Variants in ZDHHC7 observed in about 807,000 individuals in gnomAD.
ZDHHC7 encodes the protein zDHHC palmitoyltransferase 7.
In ZDHHC7, 12 loss-of-function variants were observed where a neutral mutation model predicts 34.1. The ratio of observed to expected loss-of-function variants is 0.35; its 90% CI spans 0.23 to 0.57. ZDHHC7 has a LOEUF of 0.57. ZDHHC7 is among the 20% of genes least tolerant of loss of function. ZDHHC7 has a pLI of 0.84. For missense variants in ZDHHC7, 388 were observed against 402.7 expected (o/e 0.96, Z 0.31); for synonymous variants, 185 against 155.4 (o/e 1.19, Z -1.42).
At position 84,990,366 on chromosome 16, in the gene ZDHHC7, T is replaced by A; in HGVS notation, c.253A>T (p.Ile85Phe). 1 of 1,614,104 alleles carries A rather than the reference T, an allele frequency of 6.2e-7. No homozygotes were observed. Among genetic ancestry groups the A allele is most frequent in the South Asian group, 1.1e-5 (1 of 91,082 alleles). The change falls in exon 3 of 8, where the codon ATC (isoleucine) becomes TTC (phenylalanine). Residue 85 changes from isoleucine to phenylalanine, a missense_variant. Transcript: ENST00000313732. ...GCAAGCACGGCCAAGCAGTTAAAGATGACCCCGTTGACCACAGAGTACCAG... is the reference window on the plus strand; with the variant it reads ...GCAAGCACGGCCAAGCAGTTAAAGAAGACCCCGTTGACCACAGAGTACCAG... ...DFWYSVVNGV[I>F]FNCLAVLALS...
chr16:85,012,762 G>A (rs999043757), upstream of ZDHHC7, among the ~76,000 whole-genome samples: 2 of 151,922 alleles, frequency 1.3e-5, no homozygotes, highest in African/African-American at 4.8e-5. Flanking sequence ...AAAATTAGCC[G>A]GGTGCAGTTT....
Position 84,990,575 on chromosome 16 carries a change from G to C in ZDHHC7, c.44C>G (p.Pro15Arg), listed in dbSNP as rs765930037. The part of the protein sequence containing the change: ...GHRLRDVEHH[P>R]LLAENDNYDS... The stretch of plus-strand genomic sequence containing the variant: ...ATAGTTGTCATTTTCAGCCAGGAGA[G>C]GATGATGCTCGACGTCCCGGAGCCT... The change falls in exon 3 of 8, where the codon CCT (proline) becomes CGT (arginine). Residue 15 changes from proline (P) to arginine (R), a missense_variant. Transcript: ENST00000313732. 7.4e-6 allele frequency: 12 copies of C among 1,614,090 alleles called. No individual in the cohort carries two copies. In the Admixed American group the frequency reaches 1.8e-4, roughly 25 times the overall value.
chr16:85,016,689 A>T, the ZDHHC7 span, among the ~76,000 whole-genome samples: 2 of 151,412 alleles, frequency 1.3e-5, no homozygotes, highest in Non-Finnish European at 2.9e-5. Flanking sequence ...GCTAGTCTTG[A>T]ACTCAAGCGA....
chr16:85,001,965 T>TG (rs753596836), intron 1 of ZDHHC7, among the ~76,000 whole-genome samples: 1 of 152,070 alleles, frequency 6.6e-6, no homozygotes, highest in Non-Finnish European at 1.5e-5. Flanking sequence ...CATCTTGTAT[T>TG]GCCAGAGAAT....
chr16:84,979,226 A>G lies in ZDHHC7; in HGVS notation c.500T>C (p.Val167Ala). The G allele has an allele frequency of 6.2e-7, 1 of 1,606,722 alleles. No individual in the cohort carries two copies. Among genetic ancestry groups the G allele is most frequent in the Non-Finnish European group, 8.5e-7 (1 of 1,178,602 alleles). The change falls in exon 5 of 8, where the codon GTA becomes GCA. Residue 167 changes from valine to alanine, a missense_variant. Val to Ala is a moderately conservative substitution (Grantham distance 64, BLOSUM62 0). Transcript: ENST00000313732. ...AAAAAATCTTTGATTCTTTTCTCCT[A>G]CACAATTGTTCACCCACGGGCAGTG... ...DHHCPWVNNC[V>A]GEKNQRFFVL...
chr16:85,002,615 T>G (rs751266679), intron 1 of ZDHHC7, among the ~76,000 whole-genome samples: 1 of 151,828 alleles, frequency 6.6e-6, no homozygotes, highest in Non-Finnish European at 1.5e-5. Flanking sequence ...TGCCCACTCA[T>G]GTCCTGTGTG....
upstream of ZDHHC7, among the ~76,000 whole-genome samples, chr16:85,015,184 C>T (rs2072829080): frequency 6.6e-6 from 1 of 151,676 alleles, no homozygotes; most frequent in Admixed American, 6.6e-5. Flanking sequence ...AGTGCAACCT[C>T]CGCGTCCCAG....
upstream of ZDHHC7, among the ~76,000 whole-genome samples, chr16:85,011,837 C>CA (rs1443175654): frequency 2.0e-5 from 3 of 152,180 alleles, no homozygotes; most frequent in East Asian, 5.8e-4. Context: ...GGCGGTGTCT[C>CA]AGAGGCAGCT....
intron 1 of ZDHHC7, among the ~76,000 whole-genome samples, chr16:84,998,374 A>G (rs952723584): frequency 1.3e-5 from 2 of 152,030 alleles, no homozygotes; most frequent in Non-Finnish European, 1.5e-5. Context: ...TCCTTGTGGT[A>G]GGTTTCGGCT....
At chr16:85,014,383 C>T (rs1481157471), upstream of ZDHHC7, among the ~76,000 whole-genome samples, 4 of 152,192 alleles carry the variant, frequency 2.6e-5, no homozygotes, top group Non-Finnish European at 5.9e-5. Context: ...CAATCTGATT[C>T]GTCAAGGTGC....
At chr16:84,994,724 A>AT (rs1168298205) in intron 2 of ZDHHC7, among the ~76,000 whole-genome samples, 1 of 152,256 alleles carries the variant, frequency 6.6e-6, no homozygotes, top group Admixed American at 6.5e-5. Context: ...GGACGTTCCT[A>AT]TAAGCACATA....
rs563581926 is a variant in ZDHHC7 at position 84,992,039 on chromosome 16, G to T, written c.-17-1404C>A. ...AAAAATACAAAAACCAGCCGGGCAT[G>T]GTGGCGTGCGCCTGTAATCCCAGCT... is the stretch of plus-strand genomic sequence containing the variant. On this transcript the variant is annotated intron_variant, in intron 2 of 7. Transcript: ENST00000313732. Among the ~76,000 whole-genome samples, 611 of 151,710 alleles carry T rather than the reference G, an allele frequency of 4.0e-3. 1 individual carries two copies. The highest frequency in any genetic ancestry group is 0.014 in the African/African-American group (587 of 41,356).
rs904364392 is a variant in ZDHHC7, at chr16:85,011,453, C to G, written c.-271G>C. The G allele has an allele frequency of 1.3e-5, 2 of 152,162 alleles. No individual in the cohort carries two copies. Among genetic ancestry groups the G allele is most frequent in the African/African-American group, 4.8e-5 (2 of 41,432 alleles). The allele number at this position is 152,162 out of a possible 1,614,324, so 9.4% of individuals were successfully genotyped here. The stretch of plus-strand genomic sequence containing the variant: ...GCTTGGTCCCCTGGGTCCCGCCGGG[C>G]AGGTCGGAAGGAGGCTGCAGCCAAG... On this transcript the variant is annotated 5_prime_UTR_variant, in exon 1 of 8. Coordinates refer to ENST00000313732, the MANE Select transcript of ZDHHC7 (RefSeq NM_017740.3).
At chr16:84,984,965 T>C (rs915052954) in intron 3 of ZDHHC7, among the ~76,000 whole-genome samples, 1 of 152,206 alleles carries the variant, frequency 6.6e-6, no homozygotes, top group Non-Finnish European at 1.5e-5. Context: ...TCTGCACCCA[T>C]GGGGCATTCT....
chr16:84,987,989 G>A (rs1417751693), intron 3 of ZDHHC7, among the ~76,000 whole-genome samples: 1 of 152,176 alleles, frequency 6.6e-6, no homozygotes, highest in Non-Finnish European at 1.5e-5. Context: ...CTAACACGGT[G>A]AAACCCCGTC....
chr16:84,979,951 T>G, intron 4 of ZDHHC7, among the ~76,000 whole-genome samples: 1 of 24,638 alleles, frequency 4.1e-5, no homozygotes, highest in Non-Finnish European at 6.4e-5. Context: ...AGCGTCACCT[T>G]TTTTTTTTTT....
chr16:85,024,957 G>T, the ZDHHC7 span, among the ~76,000 whole-genome samples: 8 of 152,110 alleles, frequency 5.3e-5, no homozygotes, highest in East Asian at 1.3e-3. Flanking sequence ...TAAGCCTAGA[G>T]CTCTTGGAGG....
chr16:84,988,194 C>G (rs2072461987), intron 3 of ZDHHC7, among the ~76,000 whole-genome samples: 1 of 152,006 alleles, frequency 6.6e-6, no homozygotes, highest in Non-Finnish European at 1.5e-5. Flanking sequence ...TGTGAACATG[C>G]AAATTCCACA....
intron 5 of ZDHHC7, 173 bp from the exon 6 acceptor site, chr16:84,978,178 C>G: frequency 2.0e-6 from 1 of 509,160 alleles, no homozygotes; most frequent in Non-Finnish European, 3.5e-6. Context: ...GCTGAGACTA[C>G]AAGCACCATG....
Sources: allele counts gnomAD v4.1 joint callset (sites outside exome capture counted in the v4.1 genomes callset), GRCh38; gene constraint gnomAD v4.1.1; transcripts MANE v1.5; gene names NCBI Gene and HGNC (gene_info 2026-07-23, HGNC 2026-07-21).